Variants in PEX5L observed in about 807,000 individuals in gnomAD.
PEX5L encodes PEX5-related protein.
Under a neutral mutation model 84.0 loss-of-function variants are expected in PEX5L, and 30 were observed. The observed-to-expected ratio is 0.36, with a 90% CI of 0.27 to 0.48. The LOEUF is 0.48. Among genes scored for constraint, PEX5L ranks in the 20% least tolerant of loss-of-function variants. PEX5L has a pLI of 0.99. For missense variants in PEX5L, 533 were observed against 754.6 expected (o/e 0.71, Z 3.44); for synonymous variants, 270 against 283.1 (o/e 0.95, Z 0.46).
chr3:179,972,356 C>G (rs1187823932), intron 1 of PEX5L, among the ~76,000 whole-genome samples: 1 of 151,668 alleles, frequency 6.6e-6, no homozygotes, highest in African/African-American at 2.4e-5. Flanking sequence ...TCCTCCATTG[C>G]AAAATCTATA....
intron 8 of PEX5L, among the ~76,000 whole-genome samples, chr3:179,831,561 C>A (rs1732954919): frequency 6.6e-6 from 1 of 152,142 alleles, no homozygotes; most frequent in Non-Finnish European, 1.5e-5. Context: ...GAGAGATGCT[C>A]ACCCTGCTGC....
At chr3:179,874,753 T>G (rs1751744528) in intron 6 of PEX5L, among the ~76,000 whole-genome samples, 2 of 127,380 alleles carry the variant, frequency 1.6e-5, no homozygotes, top group African/African-American at 6.0e-5. Context: ...TTTTTTTTTT[T>G]TTTTTTTTTG....
intron 8 of PEX5L, 37 bp downstream of exon 8, chr3:179,859,025 G>A (rs373828329): frequency 7.5e-7 from 1 of 1,329,580 alleles, no homozygotes; most frequent in South Asian, 1.2e-5. Context: ...ACTCTCAGGA[G>A]CATGAAACAG....
rs1244165438 is a variant in PEX5L at position 179,800,247 on chromosome 3, T to G, written c.*1581A>C. The stretch of plus-strand genomic sequence containing the variant: ...AATTAGACTGTTTTGATCCCAATTC[T>G]GTGGAGTCTTTTTTGTTGTTGTTGT... On this transcript the variant is annotated 3_prime_UTR_variant, in exon 15 of 15. Coordinates refer to ENST00000467460, the MANE Select transcript of PEX5L (RefSeq NM_016559.3). 1.3e-5 allele frequency: 2 copies of G among 152,244 alleles called. No homozygotes were observed. Among genetic ancestry groups the G allele is most frequent in the Non-Finnish European group, 2.9e-5 (2 of 68,050 alleles). 9.4% of individuals were successfully genotyped at this position (152,244 alleles called of 1,614,324 possible).
Position 179,898,240 on chromosome 3 carries a change from CT to C in PEX5L, c.99del (p.Gly34AlafsTer12). 2 of 1,610,208 alleles carry C rather than the reference CT, an allele frequency of 1.2e-6. No individual in the cohort carries two copies. Among genetic ancestry groups the C allele is most frequent in the Non-Finnish European group, 1.7e-6 (2 of 1,176,626 alleles). ...ACAGCCTTATCTGCCGCCCTAGAGC[CT>C]TTTCCCTATAACAGTGAAATCAACA... The part of the protein sequence containing the change: ...LEIIVDQKQG[K>X]GSRAADKAVA... On this transcript the variant is annotated frameshift_variant, in exon 3 of 15. Transcript: ENST00000467460. LOFTEE classifies it high-confidence loss of function.
intron 11 of PEX5L, among the ~76,000 whole-genome samples, chr3:179,810,002 C>CT (rs35662193): frequency 0.012 from 549 of 45,300 alleles, 82 homozygotes; most frequent in Middle Eastern, 0.023. Context: ...TTTAATGCTG[C>CT]TTTTTTTTTT....
chr3:179,888,359 G>T (rs558033128), intron 3 of PEX5L, among the ~76,000 whole-genome samples: 1 of 152,148 alleles, frequency 6.6e-6, no homozygotes, highest in East Asian at 1.9e-4. Flanking sequence ...TGGGAGAGTA[G>T]AAAATATTGT....
chr3:179,829,475 T>G lies in PEX5L; in HGVS notation c.823-9499A>C, dbSNP rs149850038. On this transcript the variant is annotated intron_variant, in intron 8 of 14. Transcript: ENST00000467460. ...GGTGGTGTGACCTTGGACAAGTTACTGAATGTCTCAATGTCCCAGTTTCTC... is the reference window on the plus strand; with the variant it reads ...GGTGGTGTGACCTTGGACAAGTTACGGAATGTCTCAATGTCCCAGTTTCTC... Among the ~76,000 whole-genome samples, 51 of 152,298 alleles carry G rather than the reference T, an allele frequency of 3.3e-4. No individual in the cohort carries two copies. The East Asian group carries it at 8.1e-3, about 24-fold the overall frequency.
At chr3:179,978,908 T>C (rs552478747) in intron 1 of PEX5L, among the ~76,000 whole-genome samples, 1 of 152,308 alleles carries the variant, frequency 6.6e-6, no homozygotes, top group East Asian at 1.9e-4. Context: ...TGATAGGCAG[T>C]TCAAGATGAT....
intron 8 of PEX5L, among the ~76,000 whole-genome samples, chr3:179,848,596 C>T (rs2108423293): frequency 6.6e-6 from 1 of 151,124 alleles, no homozygotes; most frequent in African/African-American, 2.4e-5. Context: ...AGCAACTTCT[C>T]TCGACAGTAA....
intron 2 of PEX5L, among the ~76,000 whole-genome samples, chr3:179,923,336 T>C (rs1770413232): frequency 1.3e-5 from 2 of 151,038 alleles, no homozygotes; most frequent in Non-Finnish European, 2.9e-5. Flanking sequence ...TTCTTGATTA[T>C]TCTAATAAAG....
At chr3:179,813,664 A>ATTTTTT (rs35351586) in intron 10 of PEX5L, among the ~76,000 whole-genome samples, 1 of 96,420 alleles carries the variant, frequency 1.0e-5, no homozygotes, top group Non-Finnish European at 2.0e-5. Flanking sequence ...CACTCAACTA[A>ATTTTTT]TTTTTTTTTT....
intron 1 of PEX5L, among the ~76,000 whole-genome samples, chr3:180,023,456 T>C (rs1258041410): frequency 6.6e-6 from 1 of 152,214 alleles, no homozygotes; most frequent in East Asian, 1.9e-4. Flanking sequence ...TAGGAGAGGC[T>C]GATCTTTGGC....
At position 179,878,261 on chromosome 3, in the gene PEX5L, G is replaced by C. The variant is rs780795184; in HGVS notation, c.505+1668C>G. 4.8e-4 allele frequency among the ~76,000 whole-genome samples: 73 copies of C among 152,198 alleles called. 1 individual carries two copies. Among genetic ancestry groups the C allele is most frequent in the Admixed American group, 4.6e-4 (7 of 15,298 alleles). ...CATATTATCTTTGTTTCCAAGTCTT[G>C]TTTTAATATTTTTTGGAACCTGTCT... On this transcript the variant is annotated intron_variant, in intron 5 of 14. Coordinates refer to ENST00000467460, the MANE Select transcript of PEX5L (RefSeq NM_016559.3).
At chr3:179,929,843 G>A (rs1188224208) in intron 2 of PEX5L, among the ~76,000 whole-genome samples, 1 of 152,154 alleles carries the variant, frequency 6.6e-6, no homozygotes, top group African/African-American at 2.4e-5. Context: ...CCGGTGACCT[G>A]CGTAGACCTA....
intron 1 of PEX5L, among the ~76,000 whole-genome samples, chr3:180,029,746 C>A (rs1055427949): frequency 3.9e-5 from 6 of 151,986 alleles, no homozygotes; most frequent in Non-Finnish European, 8.8e-5. Context: ...CTGGTTCCTT[C>A]AAAAAAATCA....
chr3:179,954,545 G>C lies in PEX5L; in HGVS notation c.93+17049C>G, dbSNP rs60503587. On this transcript the variant is annotated intron_variant, in intron 2 of 14. Transcript: ENST00000467460. ...TTTTTTGTTTGTTTGTTAATGTAAAGAAGTCCCTTTTATTTAAACTCCTAG... is the reference window on the plus strand; with the variant it reads ...TTTTTTGTTTGTTTGTTAATGTAAACAAGTCCCTTTTATTTAAACTCCTAG... 5.7e-3 allele frequency among the ~76,000 whole-genome samples: 868 copies of C among 152,172 alleles called. 7 individuals carry two copies. Among genetic ancestry groups the C allele is most frequent in the African/African-American group, 0.02 (831 of 41,506 alleles).
At chr3:180,023,769 CACAGAGAG>C (rs150861500) in intron 1 of PEX5L, among the ~76,000 whole-genome samples, 24,060 of 149,352 alleles carry the variant, frequency 0.16, 2,549 homozygotes, top group African/African-American at 0.31. Flanking sequence ...CACGCACACA[CACAGAGAG>C]AGAGAGAGAG....
chr3:179,877,901 G>A (rs552771703), intron 5 of PEX5L, among the ~76,000 whole-genome samples: 9 of 152,316 alleles, frequency 5.9e-5, no homozygotes, highest in African/African-American at 2.2e-4. Flanking sequence ...TGGCAGGGGA[G>A]AGGCGTTCCT....
Sources: gnomAD v4.1 joint callset for allele counts (sites outside exome capture counted in the v4.1 genomes callset) on GRCh38, gnomAD v4.1.1 for gene constraint, MANE v1.5 for transcripts, NCBI Gene and HGNC (gene_info 2026-07-23, HGNC 2026-07-21) for gene names.